The following NALF1 variants were observed in gnomAD, a reference collection of about 807,000 sequenced individuals.
The protein encoded by NALF1 is NALCN channel auxiliary factor 1.
NALF1 carries 3 observed loss-of-function variants against 48.4 expected under a neutral mutation model. The observed-to-expected ratio is 0.06, with a 90% CI of 0.03 to 0.16. The LOEUF (loss-of-function observed/expected upper bound fraction) is 0.16. Among genes scored for constraint, NALF1 ranks in the 10% least tolerant of loss-of-function variants. NALF1 has a pLI of 1.00. For synonymous variants in NALF1, 262 were observed against 245.7 expected (o/e 1.07, Z -0.62); for missense variants, 526 against 571.5 (o/e 0.92, Z 0.81).
In NALF1 at chr13:107,810,566, C is replaced by T. The variant is rs898953962; in HGVS notation, c.915+55116G>A. 3.3e-5 allele frequency among the ~76,000 whole-genome samples: 5 copies of T among 152,090 alleles called. No individual in the cohort carries two copies. In the South Asian group the frequency reaches 6.2e-4, roughly 19 times the overall value. On this transcript the variant is annotated intron_variant, in intron 1 of 2. Transcript: ENST00000375915. Reference sequence around the variant, plus strand: ...TCTTTTATATTTATACACAAATGTCCTGAAAACATCTTAAACTGGGTAGAT... The same window carrying T: ...TCTTTTATATTTATACACAAATGTCTTGAAAACATCTTAAACTGGGTAGAT...
chr13:107,255,006 G>A (rs1362159569), intron 1 of NALF1, among the ~76,000 whole-genome samples: 2 of 152,138 alleles, frequency 1.3e-5, no homozygotes, highest in Non-Finnish European at 2.9e-5. Context: ...AACTCAGGAT[G>A]TATTCAAAAT....
At chr13:107,452,329 C>T (rs962267584) in intron 1 of NALF1, among the ~76,000 whole-genome samples, 5 of 152,160 alleles carry the variant, frequency 3.3e-5, no homozygotes, top group South Asian at 2.1e-4. Context: ...GTTTAATTAA[C>T]TCACAGTTCA....
At chr13:107,199,836 C>T (rs983709431) in intron 2 of NALF1, among the ~76,000 whole-genome samples, 2 of 152,194 alleles carry the variant, frequency 1.3e-5, no homozygotes, top group African/African-American at 4.8e-5. Flanking sequence ...ATCCAACCAT[C>T]AGCCCCCTTG....
chr13:107,369,790 T>C (rs556941613), intron 1 of NALF1, among the ~76,000 whole-genome samples: 3 of 152,318 alleles, frequency 2.0e-5, no homozygotes, highest in African/African-American at 7.2e-5. Context: ...TGAAATCATA[T>C]AATATAATGA....
intron 1 of NALF1, among the ~76,000 whole-genome samples, chr13:107,409,109 C>T (rs1883947839): frequency 6.6e-6 from 1 of 152,000 alleles, no homozygotes; most frequent in African/African-American, 2.4e-5. Context: ...ATGACTAGGC[C>T]CCAAGTGGCA....
At chr13:107,484,317 A>G (rs1885295587) in intron 1 of NALF1, among the ~76,000 whole-genome samples, 1 of 152,156 alleles carries the variant, frequency 6.6e-6, no homozygotes, top group South Asian at 2.1e-4. Context: ...CTTTTGCTTT[A>G]TAACACTTTC....
chr13:107,866,361 T>TGCC lies in NALF1; in HGVS notation c.235_236insGGC (p.Gln78_Gln79insArg), dbSNP rs1372874303. Reference sequence around the variant, plus strand: ...CCTCTGCTGCTGCTGCTGCTGCTGCTGCTGCCGCTGCTGCTGCTGGTGCTC... The same window carrying TGCC: ...CCTCTGCTGCTGCTGCTGCTGCTGCTGCCGCTGCCGCTGCTGCTGCTGGTGCTC... On this transcript the variant is annotated inframe_insertion, in exon 1 of 3. Coordinates refer to ENST00000375915, the MANE Select transcript of NALF1 (RefSeq NM_001080396.3). The surrounding 1 kb of genome is among the most constrained non-coding windows in gnomAD (Gnocchi z 4.4). The TGCC allele has an allele frequency of 6.4e-7, 1 of 1,571,216 alleles. No individual in the cohort carries two copies. The highest frequency in any genetic ancestry group is 8.7e-7 in the Non-Finnish European group (1 of 1,144,328).
intron 1 of NALF1, chr13:107,789,236 T>C (rs976728013): frequency 6.6e-6 from 1 of 152,234 alleles, no homozygotes; most frequent in African/African-American, 2.4e-5. Flanking sequence ...GTGGCTTGGC[T>C]TGAATTTACT....
intron 1 of NALF1, among the ~76,000 whole-genome samples, chr13:107,640,295 T>C (rs1207460613): frequency 6.6e-6 from 1 of 152,180 alleles, no homozygotes; most frequent in Non-Finnish European, 1.5e-5. Context: ...TATAACACAG[T>C]GTACAGCTAA....
chr13:107,695,919 T>TG (rs1212276986), intron 1 of NALF1, among the ~76,000 whole-genome samples: 3 of 147,674 alleles, frequency 2.0e-5, no homozygotes, highest in Non-Finnish European at 4.5e-5. Flanking sequence ...TTTCCTGAGA[T>TG]GGAGTCTCAC....
intron 1 of NALF1, among the ~76,000 whole-genome samples, chr13:107,368,127 A>G (rs996058425): frequency 3.3e-5 from 5 of 152,058 alleles, no homozygotes; most frequent in African/African-American, 1.2e-4. Flanking sequence ...TTCTTAGAAA[A>G]ATTCATGAGT....
intron 1 of NALF1, among the ~76,000 whole-genome samples, chr13:107,524,373 G>A (rs949050525): frequency 5.3e-5 from 8 of 152,126 alleles, no homozygotes; most frequent in Admixed American, 5.2e-4. Flanking sequence ...TTGATTATTC[G>A]AGAAGTCATT....
chr13:107,344,726 T>C (rs1386868930), intron 1 of NALF1, among the ~76,000 whole-genome samples: 1 of 152,152 alleles, frequency 6.6e-6, no homozygotes, highest in Admixed American at 6.5e-5. Context: ...TATCATTATA[T>C]TCAATGGTTA....
intron 2 of NALF1, among the ~76,000 whole-genome samples, chr13:107,196,518 G>C (rs1879396209): frequency 6.6e-6 from 1 of 152,164 alleles, no homozygotes; most frequent in African/African-American, 2.4e-5. Flanking sequence ...CCTTAAAAAA[G>C]GTAGAGATCC....
At chr13:107,658,296 C>A (rs1164369784) in intron 1 of NALF1, among the ~76,000 whole-genome samples, 2 of 152,044 alleles carry the variant, frequency 1.3e-5, no homozygotes, top group Non-Finnish European at 1.5e-5. Flanking sequence ...CTCTCTCTTG[C>A]AACATTCATT....
intron 1 of NALF1, among the ~76,000 whole-genome samples, chr13:107,280,675 A>C (rs925418889): frequency 2.0e-5 from 3 of 152,232 alleles, no homozygotes; most frequent in African/African-American, 7.2e-5. Flanking sequence ...AAACTCAAGA[A>C]ACTTAAGAGT....
intron 1 of NALF1, among the ~76,000 whole-genome samples, chr13:107,594,813 C>A (rs536262831): frequency 1.3e-4 from 20 of 152,026 alleles, no homozygotes; most frequent in African/African-American, 4.8e-4. Context: ...TGCTGTCACA[C>A]TGACAACTCT....
At chr13:107,606,237 A>G (rs1206605099) in intron 1 of NALF1, among the ~76,000 whole-genome samples, 1 of 151,540 alleles carries the variant, frequency 6.6e-6, no homozygotes, top group East Asian at 2.0e-4. Flanking sequence ...AACATGCTCA[A>G]TCTTACCAAT....
intron 1 of NALF1, among the ~76,000 whole-genome samples, chr13:107,458,119 T>C (rs550710344): frequency 9.2e-5 from 14 of 152,236 alleles, no homozygotes; most frequent in African/African-American, 3.1e-4. Flanking sequence ...TCAAAAAACA[T>C]CTCCTTCATG....
Sources: allele counts gnomAD v4.1 joint callset (sites outside exome capture counted in the v4.1 genomes callset), GRCh38; gene constraint gnomAD v4.1.1; non-coding constraint Gnocchi (gnomAD v3.1); transcripts MANE v1.5; gene names NCBI Gene and HGNC (gene_info 2026-07-23, HGNC 2026-07-21).